Variants in DST observed in about 807,000 individuals in gnomAD.
DST encodes dystonin, also known as bullous pemphigoid antigen.
DST carries 253 observed loss-of-function variants against 875.2 expected under a neutral mutation model. The observed-to-expected ratio is 0.29, with a 90% CI of 0.26 to 0.32. The LOEUF (loss-of-function observed/expected upper bound fraction) is 0.32. Among genes scored for constraint, DST ranks in the 10% least tolerant of loss-of-function variants. The pLI is 1.00. For synonymous variants in DST, 3,124 were observed against 3,197.1 expected (o/e 0.98, Z 0.77); for missense variants, 8,287 against 9,111.6 (o/e 0.91, Z 3.68).
At chr6:56,474,399 G>A (rs1291314438) in intron 92 of DST, 8 of 160,506 alleles carry the variant, frequency 5.0e-5, no homozygotes, top group South Asian at 1.8e-4. Flanking sequence ...CAGGAGAATC[G>A]CTTGAACCTG....
chr6:56,699,887 T>C, intron 8 of DST, 142 bp from the exon 9 acceptor site: 2 of 531,054 alleles, frequency 3.8e-6, no homozygotes, highest in Non-Finnish European at 6.5e-6. Context: ...AAATATTGTT[T>C]TACCCTTATT....
At chr6:56,492,185 G>T in intron 85 of DST, 42 bp downstream of exon 85, 1 of 1,530,466 alleles carries the variant, frequency 6.5e-7, no homozygotes, top group Non-Finnish European at 9.0e-7. Context: ...GCAAGAAGTG[G>T]TTTATTGACA....
chr6:56,492,278 C>A lies in DST; in HGVS notation c.20706G>T (p.Arg6902=), dbSNP rs376007687. Residue 6902 remains arginine (R), a synonymous_variant, in exon 85 of 104, where the codon CGG becomes CGT. Transcript: ENST00000680361. Reference sequence around the variant, plus strand: ...CCAAAGATCTTCCTCTCTCTACCAACCGTTGAACCACTTTTTCCCATCGAC... The same window carrying A: ...CCAAAGATCTTCCTCTCTCTACCAAACGTTGAACCACTTTTTCCCATCGAC... ...VQSRWEKVVQ[R]LVERGRSLDD... The A allele has an allele frequency of 1.9e-6, 3 of 1,613,778 alleles. No individual in the cohort carries two copies. The highest frequency in any genetic ancestry group is 2.7e-5 in the African/African-American group (2 of 74,926).
rs1163080227 is a variant in DST at position 56,601,554 on chromosome 6, C to G, written c.11430G>C (p.Arg3810Ser). 1 of 1,604,534 alleles carries G rather than the reference C, an allele frequency of 6.2e-7. No homozygotes were observed. Among genetic ancestry groups the G allele is most frequent in the Non-Finnish European group, 8.5e-7 (1 of 1,175,612 alleles). Reference sequence around the variant, plus strand: ...AACACTTCTGAGTTGTATTTAAGAGCCTCAGCAGTTGTTTGCTTTGGTTGG... The same window carrying G: ...AACACTTCTGAGTTGTATTTAAGAGGCTCAGCAGTTGTTTGCTTTGGTTGG... The part of the protein sequence containing the change: ...LSPNQSKQLL[R>S]LLNTTQKCFL... Residue 3810 changes from arginine to serine, a missense_variant, in exon 44 of 104, where the codon AGG becomes AGC. Transcript: ENST00000680361.
intron 61 of DST, among the ~76,000 whole-genome samples, chr6:56,537,362 AG>A (rs1325174136): frequency 6.6e-6 from 1 of 152,218 alleles, no homozygotes; most frequent in Non-Finnish European, 1.5e-5. Flanking sequence ...CAATCCTAAT[AG>A]GCTCTCCTAA....
intron 69 of DST, among the ~76,000 whole-genome samples, chr6:56,520,253 T>G (rs78116064): frequency 0.019 from 2,835 of 152,186 alleles, 35 homozygotes; most frequent in Non-Finnish European, 0.029. Context: ...CAGGTACCTG[T>G]GGAACTACAA....
intron 5 of DST, among the ~76,000 whole-genome samples, chr6:56,709,251 T>C (rs937156981): frequency 6.6e-6 from 1 of 152,166 alleles, no homozygotes; most frequent in Non-Finnish European, 1.5e-5. Flanking sequence ...TAAAATAGAC[T>C]AGAAAACACT....
In DST at chr6:56,538,207, C is replaced by A. The variant is rs372925617; in HGVS notation, c.16609-1267G>T. 1.8e-4 allele frequency among the ~76,000 whole-genome samples: 27 copies of A among 152,190 alleles called. 2 individuals are homozygous for A. Among genetic ancestry groups the A allele is most frequent in the African/African-American group, 5.3e-4 (22 of 41,532 alleles). Reference sequence around the variant, plus strand: ...GTCCCACTATGTTGTCCAGGCTGGTCTCAAACTCCTGGGCTCAAGCAACCT... The same window carrying A: ...GTCCCACTATGTTGTCCAGGCTGGTATCAAACTCCTGGGCTCAAGCAACCT... On this transcript the variant is annotated intron_variant, in intron 61 of 103. Transcript: ENST00000680361.
In DST at chr6:56,682,089, C is replaced by T. The variant is rs114293654; in HGVS notation, c.1048-11282G>A. On this transcript the variant is annotated intron_variant, in intron 9 of 103. Coordinates refer to ENST00000680361, the MANE Select transcript of DST (RefSeq NM_001374736.1). ...GAGTGTAACGGGGAGGTCAACATGC[C>T]TACATAAAACATCTTATGTCATAAA... Among the ~76,000 whole-genome samples, 878 of 152,328 alleles carry T rather than the reference C, an allele frequency of 5.8e-3. 11 individuals carry two copies. The highest frequency in any genetic ancestry group is 0.019 in the African/African-American group (809 of 41,568).
At chr6:56,636,465 T>G in intron 23 of DST, 92 bp downstream of exon 23, 1 of 962,088 alleles carries the variant, frequency 1.0e-6, no homozygotes, top group Non-Finnish European at 1.7e-6. Context: ...CAGAAACACA[T>G]TGTTATCCTA....
At chr6:56,941,473 T>C (rs1337625092) in intron 2 of DST, among the ~76,000 whole-genome samples, 1 of 151,792 alleles carries the variant, frequency 6.6e-6, no homozygotes, top group East Asian at 1.9e-4. Flanking sequence ...GTATGGTGTT[T>C]CTTTACAAAT....
At chr6:56,490,059 G>A (rs1330215112) in intron 85 of DST, among the ~76,000 whole-genome samples, 1 of 152,060 alleles carries the variant, frequency 6.6e-6, no homozygotes. Context: ...ATGGGGAGGG[G>A]TAAGTATAAA....
intron 3 of DST, among the ~76,000 whole-genome samples, chr6:56,857,480 C>T (rs1768525918): frequency 6.6e-6 from 1 of 152,138 alleles, no homozygotes; most frequent in African/African-American, 2.4e-5. Context: ...AAGCAGTGGC[C>T]TGTGTAAAGA....
At chr6:56,831,655 G>A (rs977237052) in intron 4 of DST, among the ~76,000 whole-genome samples, 3 of 152,058 alleles carry the variant, frequency 2.0e-5, no homozygotes, top group African/African-American at 7.2e-5. Context: ...TCTTCCTTCT[G>A]TAGGCCCTGA....
chr6:56,737,852 CA>C (rs1397552917), intron 4 of DST, among the ~76,000 whole-genome samples: 9 of 152,054 alleles, frequency 5.9e-5, no homozygotes. Flanking sequence ...ATATTATGTA[CA>C]AAATGTAACT....
intron 94 of DST, 83 bp downstream of exon 94, chr6:56,471,976 A>G (rs1374166392): frequency 1.2e-5 from 17 of 1,442,420 alleles, no homozygotes; most frequent in Non-Finnish European, 1.6e-5. Flanking sequence ...AAGTTAAAAA[A>G]TACCAAGATT....
intron 4 of DST, among the ~76,000 whole-genome samples, chr6:56,830,304 T>C (rs2099785511): frequency 6.6e-6 from 1 of 152,192 alleles, no homozygotes; most frequent in Non-Finnish European, 1.5e-5. Flanking sequence ...CTGCAGGATA[T>C]GGAACTGTAC....
intron 49 of DST, among the ~76,000 whole-genome samples, chr6:56,579,985 C>T (rs986209757): frequency 6.6e-6 from 1 of 152,096 alleles, no homozygotes; most frequent in Non-Finnish European, 1.5e-5. Context: ...TACTGAAGGC[C>T]AAGGGCTGAA....
In DST at chr6:56,604,486, T is replaced by A; in HGVS notation, c.10142A>T (p.Asp3381Val). 6.2e-7 allele frequency: 1 copy of A among 1,612,346 alleles called. No homozygotes were observed. The highest frequency in any genetic ancestry group is 8.5e-7 in the Non-Finnish European group (1 of 1,179,034). Residue 3381 changes from aspartate (D) to valine (V), a missense_variant, in exon 40 of 104, where the codon GAC becomes GTC. Physicochemically the swap from Asp to Val is radical, Grantham distance 152 (BLOSUM62 -3). Coordinates refer to ENST00000680361, the MANE Select transcript of DST (RefSeq NM_001374736.1). ...TAAATTTTGAATTAAAATTTTAGTGTCTGCACAGGCTGAAGGTTCTTCAAC... is the reference window on the plus strand; with the variant it reads ...TAAATTTTGAATTAAAATTTTAGTGACTGCACAGGCTGAAGGTTCTTCAAC... ...QEVEEPSACA[D>V]TKILIQNLIK...
Sources: gnomAD v4.1 joint callset for allele counts (sites outside exome capture counted in the v4.1 genomes callset) on GRCh38, gnomAD v4.1.1 for gene constraint, MANE v1.5 for transcripts, NCBI Gene and HGNC (gene_info 2026-07-23, HGNC 2026-07-21) for gene names.